Variants in MAF observed in about 807,000 individuals in gnomAD.
The protein encoded by MAF is MAF bZIP transcription factor, also known as transcription factor Maf.
A neutral mutation model predicts 22.0 loss-of-function variants in MAF; 10 were observed. That is an observed-to-expected ratio of 0.45 (90% CI 0.28 to 0.77). The LOEUF (loss-of-function observed/expected upper bound fraction) is 0.77. MAF is among the 30% of genes least tolerant of loss of function. MAF has a pLI of 0.12. For missense variants in MAF, 544 were observed against 548.4 expected (o/e 0.99, Z 0.08); for synonymous variants, 337 against 255.8 (o/e 1.32, Z -3.03).
chr16:79,260,348 C>A, the MAF span, among the ~76,000 whole-genome samples: 3,814 of 152,224 alleles, frequency 0.025, 81 homozygotes, highest in East Asian at 0.098. Flanking sequence ...GATGGGGTCC[C>A]ACTGTGTTGC....
At chr16:79,568,492 C>A in the MAF span, among the ~76,000 whole-genome samples, 4 of 152,162 alleles carry the variant, frequency 2.6e-5, no homozygotes, top group Non-Finnish European at 1.5e-5. Flanking sequence ...ATCTTCTCAA[C>A]ATTTCACTTC....
the MAF span, among the ~76,000 whole-genome samples, chr16:79,237,065 G>A: frequency 6.6e-6 from 1 of 151,910 alleles, no homozygotes; most frequent in Non-Finnish European, 1.5e-5. Flanking sequence ...TGTGCCTTGA[G>A]ACAGGGTCAG....
At chr16:79,533,856 C>T in the MAF span, among the ~76,000 whole-genome samples, 1 of 152,166 alleles carries the variant, frequency 6.6e-6, no homozygotes, top group African/African-American at 2.4e-5. Flanking sequence ...TCTCCCTCCT[C>T]TGTTGCCATC....
chr16:79,517,345 G>A, the MAF span, among the ~76,000 whole-genome samples: 1 of 152,122 alleles, frequency 6.6e-6, no homozygotes, highest in South Asian at 2.1e-4. Context: ...ACATGCCGAT[G>A]GCTTGCTCAC....
the MAF span, among the ~76,000 whole-genome samples, chr16:79,574,646 G>A: frequency 9.2e-5 from 14 of 152,178 alleles, no homozygotes; most frequent in Middle Eastern, 3.4e-3. Context: ...CAGGGCAATC[G>A]GGGGAATGTG....
the MAF span, among the ~76,000 whole-genome samples, chr16:79,448,313 T>G: frequency 6.6e-6 from 1 of 151,582 alleles, no homozygotes; most frequent in Non-Finnish European, 1.5e-5. Context: ...GCCATCGGAA[T>G]AGAGGCAAGA....
the MAF span, among the ~76,000 whole-genome samples, chr16:79,292,641 G>C: frequency 1.3e-5 from 2 of 152,128 alleles, no homozygotes; most frequent in African/African-American, 4.8e-5. Context: ...ATGAGGTTGA[G>C]ACCTATGGGG....
the MAF span, among the ~76,000 whole-genome samples, chr16:79,476,634 TC>T: frequency 1.3e-5 from 2 of 152,128 alleles, no homozygotes; most frequent in African/African-American, 4.8e-5. Flanking sequence ...GAGGATTCAC[TC>T]CTAAGAAAGT....
At chr16:79,377,620 G>A in the MAF span, among the ~76,000 whole-genome samples, 2 of 152,256 alleles carry the variant, frequency 1.3e-5, no homozygotes, top group Middle Eastern at 3.4e-3. Flanking sequence ...TGTCCTGAAT[G>A]GTATTGCCTA....
chr16:79,467,624 C>G, the MAF span, among the ~76,000 whole-genome samples: 1 of 152,126 alleles, frequency 6.6e-6, no homozygotes, highest in African/African-American at 2.4e-5. Context: ...GCAGCAGCAT[C>G]AACATTACTT....
At chr16:79,440,418 ATTTC>A in the MAF span, among the ~76,000 whole-genome samples, 1 of 152,074 alleles carries the variant, frequency 6.6e-6, no homozygotes, top group East Asian at 1.9e-4. Context: ...ACCTCAACTA[ATTTC>A]TTTCTTTCTT....
chr16:79,246,145 G>A, the MAF span, among the ~76,000 whole-genome samples: 20 of 152,136 alleles, frequency 1.3e-4, no homozygotes, highest in Admixed American at 9.2e-4. Context: ...ACCATGGCAC[G>A]TGTATACCTG....
the MAF span, among the ~76,000 whole-genome samples, chr16:79,459,313 C>T: frequency 6.6e-6 from 1 of 152,290 alleles, no homozygotes; most frequent in African/African-American, 2.4e-5. Flanking sequence ...TTTCCTACCT[C>T]CCATGTGAAA....
the MAF span, among the ~76,000 whole-genome samples, chr16:79,384,323 T>C: frequency 6.6e-6 from 1 of 151,790 alleles, no homozygotes; most frequent in African/African-American, 2.4e-5. Flanking sequence ...TGGACACCTG[T>C]AATCCCAACT....
At chr16:79,489,072 A>C in the MAF span, among the ~76,000 whole-genome samples, 4 of 152,106 alleles carry the variant, frequency 2.6e-5, no homozygotes, top group South Asian at 2.1e-4. Flanking sequence ...CAACTATTCA[A>C]AATCATTTAT....
intron 1 of MAF, chr16:79,596,108 C>T: frequency 9.4e-7 from 1 of 1,062,318 alleles, no homozygotes; most frequent in African/African-American, 1.6e-5. Flanking sequence ...CTCTGATGCG[C>T]CATATTTGTC....
rs770572154 is a variant in MAF, at chr16:79,599,132, G to A, written c.771C>T (p.Phe257=). The A allele has an allele frequency of 1.3e-6, 2 of 1,585,244 alleles. No homozygotes were observed. Among genetic ancestry groups the A allele is most frequent in the African/African-American group, 2.7e-5 (2 of 74,402 alleles). Residue 257 remains phenylalanine (F), a synonymous_variant, in exon 1 of 2, where the codon TTC becomes TTT. Coordinates refer to ENST00000326043, the MANE Select transcript of MAF (RefSeq NM_005360.5). ...GCTGCTCGTCGGAGAAGCGGTCGTC[G>A]AAGTGCAGGCCGCCGGCGGCGTGGT... ...HPHHAAGGLH[F]DDRFSDEQLV...
rs1343158403 is a variant in MAF at position 79,600,440 on chromosome 16, A to G, written c.-538T>C. 8 of 195,262 alleles carry G rather than the reference A, an allele frequency of 4.1e-5. No individual in the cohort carries two copies. Among genetic ancestry groups the G allele is most frequent in the Admixed American group, 3.8e-4 (6 of 15,892 alleles). 12.1% of individuals were successfully genotyped at this position (195,262 alleles called of 1,614,324 possible). On this transcript the variant is annotated 5_prime_UTR_variant, in exon 1 of 2. Transcript: ENST00000326043. ...CGGGCCTTGGCACGGGGGAGTTAAC[A>G]CTTCATGCTTCTCGCCTCCTCTTCT...
At chr16:79,313,212 T>C in the MAF span, among the ~76,000 whole-genome samples, 1 of 151,962 alleles carries the variant, frequency 6.6e-6, no homozygotes, top group Non-Finnish European at 1.5e-5. Flanking sequence ...GCTCAGTAAA[T>C]GAACGCTAAC....
Sources: allele counts gnomAD v4.1 joint callset (sites outside exome capture counted in the v4.1 genomes callset), GRCh38; gene constraint gnomAD v4.1.1; transcripts MANE v1.5; gene names NCBI Gene and HGNC (gene_info 2026-07-23, HGNC 2026-07-21).